Variants in FGF12 observed in about 807,000 individuals in gnomAD.
FGF12 encodes fibroblast growth factor 12, also known as fibroblast growth factor 12B.
Under a neutral mutation model 23.6 loss-of-function variants are expected in FGF12, and 14 were observed. The ratio of observed to expected loss-of-function variants is 0.59; its 90% CI spans 0.39 to 0.93. The LOEUF is 0.93. Among genes scored for constraint, FGF12 ranks in the 40% least tolerant of loss-of-function variants. The pLI is 0.00. For synonymous variants in FGF12, 62 were observed against 77.3 expected (o/e 0.80, Z 1.04); for missense variants, 175 against 217.8 (o/e 0.80, Z 1.24).
intron 2 of FGF12, among the ~76,000 whole-genome samples, chr3:192,653,218 T>C (rs1432488876): frequency 6.6e-6 from 1 of 152,218 alleles, no homozygotes; most frequent in Non-Finnish European, 1.5e-5. Context: ...TTCAGTTTGA[T>C]AAATGATCAC....
intron 2 of FGF12, among the ~76,000 whole-genome samples, chr3:192,722,044 A>G (rs1175494488): frequency 6.6e-6 from 1 of 152,194 alleles, no homozygotes; most frequent in Non-Finnish European, 1.5e-5. Flanking sequence ...GGGCAAGTCA[A>G]TAAACTATTT....
rs80348368 is a variant in FGF12 at position 192,257,421 on chromosome 3, T to A, written c.228+77940A>T. On this transcript the variant is annotated intron_variant, in intron 4 of 5. Transcript: ENST00000445105. ...GGCAGATGAAGCTCTAATCCCTATA[T>A]CAGTTGCACACATATTGCTTGTAAT... is the stretch of plus-strand genomic sequence containing the variant. Among the ~76,000 whole-genome samples the A allele has an allele frequency of 6.1e-3, 936 of 152,254 alleles. 8 individuals are homozygous for A. Among genetic ancestry groups the A allele is most frequent in the Non-Finnish European group, 0.011 (725 of 68,010 alleles).
intron 4 of FGF12, among the ~76,000 whole-genome samples, chr3:192,329,057 T>C (rs1351551919): frequency 3.9e-5 from 6 of 152,176 alleles, no homozygotes; most frequent in Non-Finnish European, 7.4e-5. Flanking sequence ...TCTTCAAAAT[T>C]CAACAAGTCT....
rs569550962 is a variant in FGF12 at position 192,368,064 on chromosome 3, C to T, written c.14-7526G>A. The stretch of plus-strand genomic sequence containing the variant: ...TATTCTTCTGGGCAAAAGGGATAAT[C>T]GGTGCATGCTAGTAAATCAACTCTC... On this transcript the variant is annotated intron_variant, in intron 2 of 5. Transcript: ENST00000445105. 9.9e-5 allele frequency among the ~76,000 whole-genome samples: 15 copies of T among 152,134 alleles called. No individual in the cohort carries two copies. In the South Asian group the frequency reaches 3.1e-3, roughly 32 times the overall value.
At chr3:192,691,191 C>A (rs1717931391) in intron 2 of FGF12, among the ~76,000 whole-genome samples, 1 of 152,108 alleles carries the variant, frequency 6.6e-6, no homozygotes, top group South Asian at 2.1e-4. Context: ...ATGAGCCTAA[C>A]AGCCATTTAC....
At chr3:192,579,120 A>G (rs949456604) in intron 2 of FGF12, among the ~76,000 whole-genome samples, 2 of 152,192 alleles carry the variant, frequency 1.3e-5, no homozygotes, top group Non-Finnish European at 2.9e-5. Flanking sequence ...TCTGAAATAG[A>G]CAATGGTCTT....
chr3:192,436,458 T>G (rs1722032611), intron 2 of FGF12, among the ~76,000 whole-genome samples: 1 of 152,190 alleles, frequency 6.6e-6, no homozygotes, highest in African/African-American at 2.4e-5. Context: ...GAGATTTTAG[T>G]ACTAGTGAGC....
At chr3:192,446,738 C>T (rs1722366396) in intron 2 of FGF12, among the ~76,000 whole-genome samples, 1 of 152,160 alleles carries the variant, frequency 6.6e-6, no homozygotes, top group Non-Finnish European at 1.5e-5. Flanking sequence ...TCCATCCTGC[C>T]TCACAACTCG....
chr3:192,401,032 T>G (rs1488137456), intron 2 of FGF12, among the ~76,000 whole-genome samples: 1 of 152,246 alleles, frequency 6.6e-6, no homozygotes, highest in Non-Finnish European at 1.5e-5. Context: ...CAATATTTAC[T>G]GTATTTAGAA....
intron 2 of FGF12, among the ~76,000 whole-genome samples, chr3:192,464,048 A>C (rs938202450): frequency 6.6e-6 from 1 of 152,110 alleles, no homozygotes; most frequent in Non-Finnish European, 1.5e-5. Context: ...GAAGTTTTTA[A>C]AACACACAAT....
intron 4 of FGF12, among the ~76,000 whole-genome samples, chr3:192,313,072 A>C (rs1017629289): frequency 6.6e-6 from 1 of 152,180 alleles, no homozygotes; most frequent in African/African-American, 2.4e-5. Context: ...TTTCCAGAGA[A>C]ATTCTGTCGA....
chr3:192,302,249 G>A (rs1257772704), intron 4 of FGF12, among the ~76,000 whole-genome samples: 1 of 152,176 alleles, frequency 6.6e-6, no homozygotes, highest in African/African-American at 2.4e-5. Context: ...GTAGGCAACT[G>A]ACTTTGTGAA....
chr3:192,615,843 A>C (rs1714734546), intron 2 of FGF12, among the ~76,000 whole-genome samples: 2 of 152,072 alleles, frequency 1.3e-5, no homozygotes, highest in East Asian at 3.9e-4. Context: ...TAAAAGCAGA[A>C]TATGACATTG....
chr3:192,231,810 T>C (rs184692613), intron 4 of FGF12, among the ~76,000 whole-genome samples: 8 of 150,632 alleles, frequency 5.3e-5, no homozygotes, highest in East Asian at 2.0e-4. Flanking sequence ...CTACGTTCAA[T>C]AGGAAAAAAA....
intron 4 of FGF12, among the ~76,000 whole-genome samples, chr3:192,179,854 A>G (rs1421598174): frequency 6.6e-6 from 1 of 152,002 alleles, no homozygotes; most frequent in African/African-American, 2.4e-5. Context: ...CCAGGTTGTG[A>G]TTATTAGACT....
intron 2 of FGF12, among the ~76,000 whole-genome samples, chr3:192,664,356 G>T (rs1716776308): frequency 6.6e-6 from 1 of 152,028 alleles, no homozygotes; most frequent in Admixed American, 6.6e-5. Flanking sequence ...CCTCCCCAGA[G>T]TTGTTCTAGG....
At chr3:192,665,332 G>A (rs971821549) in intron 2 of FGF12, among the ~76,000 whole-genome samples, 5 of 152,090 alleles carry the variant, frequency 3.3e-5, no homozygotes, top group Admixed American at 6.6e-5. Context: ...CAGATAAGTC[G>A]AAGCGAGAGA....
intron 2 of FGF12, among the ~76,000 whole-genome samples, chr3:192,546,711 G>T (rs1204022247): frequency 7.4e-6 from 1 of 135,240 alleles, no homozygotes; most frequent in East Asian, 2.5e-4. Flanking sequence ...TGACAAATGA[G>T]TGAACCCTAA....
At chr3:192,678,542 C>T (rs1326749824) in intron 2 of FGF12, among the ~76,000 whole-genome samples, 2 of 152,196 alleles carry the variant, frequency 1.3e-5, no homozygotes, top group Non-Finnish European at 2.9e-5. Context: ...TCCCTCCACT[C>T]AACTTTCTCA....
Sources: allele counts gnomAD v4.1 joint callset (sites outside exome capture counted in the v4.1 genomes callset), GRCh38; gene constraint gnomAD v4.1.1; transcripts MANE v1.5; gene names NCBI Gene and HGNC (gene_info 2026-07-23, HGNC 2026-07-21).